The following ZNF407 variants were observed in gnomAD, a reference collection of about 807,000 sequenced individuals.
ZNF407 encodes the protein zinc finger protein 407.
Under a neutral mutation model 131.2 loss-of-function variants are expected in ZNF407, and 17 were observed. That is an observed-to-expected ratio of 0.13 (90% CI 0.09 to 0.19). The LOEUF is 0.19. ZNF407 is among the 10% of genes least tolerant of loss of function. ZNF407 has a pLI of 1.00. For synonymous variants in ZNF407, 1,156 were observed against 1,062.0 expected (o/e 1.09, Z -1.72); for missense variants, 2,681 against 2,830.6 (o/e 0.95, Z 1.20).
chr18:74,849,338 A>G (rs945460812), intron 4 of ZNF407, among the ~76,000 whole-genome samples: 3 of 152,130 alleles, frequency 2.0e-5, no homozygotes, highest in Non-Finnish European at 2.9e-5. Flanking sequence ...TGTGCCTCCC[A>G]GAGTGCTGGG....
chr18:74,815,542 A>G (rs923861955), intron 4 of ZNF407, among the ~76,000 whole-genome samples: 2 of 152,212 alleles, frequency 1.3e-5, no homozygotes, highest in Admixed American at 6.5e-5. Flanking sequence ...GTCATACACT[A>G]GCAATATGGG....
chr18:74,927,449 A>G (rs1428983756), intron 8 of ZNF407, among the ~76,000 whole-genome samples: 2 of 152,188 alleles, frequency 1.3e-5, no homozygotes, highest in Admixed American at 6.5e-5. Context: ...ACCATGGTAA[A>G]TGTTTTCACA....
intron 2 of ZNF407, 67 bp from the exon 3 acceptor site, chr18:74,640,941 C>T (rs1038468056): frequency 8.3e-6 from 10 of 1,200,226 alleles, no homozygotes; most frequent in Non-Finnish European, 9.9e-6. Flanking sequence ...AGATTTAGTC[C>T]TCTTTTCTAA....
intron 4 of ZNF407, among the ~76,000 whole-genome samples, chr18:74,873,381 T>C (rs1971113877): frequency 6.6e-6 from 1 of 152,210 alleles, no homozygotes; most frequent in South Asian, 2.1e-4. Flanking sequence ...TGGCATGTGC[T>C]GAACACCCTG....
chr18:74,974,002 TTAACACA>T (rs1972500675), intron 8 of ZNF407, among the ~76,000 whole-genome samples: 1 of 152,170 alleles, frequency 6.6e-6, no homozygotes, highest in South Asian at 2.1e-4. Context: ...GATTAGAACT[TTAACACA>T]TGAATTTTTG....
chr18:74,832,542 A>G (rs1022625427), intron 4 of ZNF407, among the ~76,000 whole-genome samples: 1 of 151,642 alleles, frequency 6.6e-6, no homozygotes, highest in African/African-American at 2.4e-5. Flanking sequence ...ATAGCCTTAA[A>G]CTCTTGAGCT....
At chr18:74,859,403 G>A (rs1416226095) in intron 4 of ZNF407, among the ~76,000 whole-genome samples, 1 of 152,126 alleles carries the variant, frequency 6.6e-6, no homozygotes, top group Non-Finnish European at 1.5e-5. Context: ...TGTAACACTG[G>A]AAAGATCAAA....
In ZNF407 at chr18:74,682,405, C is replaced by T. The variant is rs567764904; in HGVS notation, c.4802+41283C>T. 8.5e-5 allele frequency among the ~76,000 whole-genome samples: 13 copies of T among 152,204 alleles called. No homozygotes were observed. In the South Asian group the frequency reaches 1.2e-3, roughly 15 times the overall value. ...CCTTTTTTCTACGGCATTCTTGTGG[C>T]GTGGGTGGTACTTCAGCTTCGTAGT... On this transcript the variant is annotated intron_variant, in intron 3 of 8. Transcript: ENST00000299687.
intron 1 of ZNF407, among the ~76,000 whole-genome samples, chr18:74,609,861 A>C (rs1462979844): frequency 6.6e-6 from 1 of 152,220 alleles, no homozygotes; most frequent in East Asian, 1.9e-4. Flanking sequence ...GAGGGTAGTC[A>C]CCCTAAGTAT....
intron 8 of ZNF407, among the ~76,000 whole-genome samples, chr18:74,988,026 A>G (rs1972673322): frequency 6.6e-6 from 1 of 152,362 alleles, no homozygotes; most frequent in South Asian, 2.1e-4. Flanking sequence ...CTTGGAAGAC[A>G]TGCATACTGG....
At chr18:74,675,465 T>C (rs1199613903) in intron 3 of ZNF407, among the ~76,000 whole-genome samples, 1 of 152,244 alleles carries the variant, frequency 6.6e-6, no homozygotes, top group Non-Finnish European at 1.5e-5. Context: ...AATGAATGTA[T>C]TTTTTATGTG....
At chr18:74,784,031 C>T (rs1004914827) in intron 4 of ZNF407, among the ~76,000 whole-genome samples, 9 of 152,176 alleles carry the variant, frequency 5.9e-5, no homozygotes, top group African/African-American at 1.9e-4. Context: ...ATGCCAGTCT[C>T]CTTGTTTCCA....
At chr18:74,900,705 A>G (rs546367263) in intron 7 of ZNF407, among the ~76,000 whole-genome samples, 2 of 152,192 alleles carry the variant, frequency 1.3e-5, no homozygotes, top group Non-Finnish European at 2.9e-5. Flanking sequence ...CCAGTTGAAG[A>G]GCACCCAGTC....
intron 8 of ZNF407, among the ~76,000 whole-genome samples, chr18:74,989,165 GC>G (rs1180684514): frequency 1.3e-5 from 2 of 152,228 alleles, no homozygotes; most frequent in African/African-American, 4.8e-5. Flanking sequence ...ACATGGATGC[GC>G]CTCAGCAATG....
At chr18:74,745,825 C>G (rs930060001) in intron 3 of ZNF407, among the ~76,000 whole-genome samples, 1 of 152,168 alleles carries the variant, frequency 6.6e-6, no homozygotes, top group Non-Finnish European at 1.5e-5. Context: ...CTAACTCCAG[C>G]TCTGCCAAGG....
At chr18:74,911,178 A>T (rs1470308831) in intron 7 of ZNF407, among the ~76,000 whole-genome samples, 1 of 147,670 alleles carries the variant, frequency 6.8e-6, no homozygotes. Context: ...CCAATATGTC[A>T]TATGTATGTT....
At chr18:75,025,637 G>T (rs1471802425) in intron 8 of ZNF407, among the ~76,000 whole-genome samples, 1 of 152,108 alleles carries the variant, frequency 6.6e-6, no homozygotes, top group Non-Finnish European at 1.5e-5. Context: ...CATTTTGTTT[G>T]TGTGTTATAA....
intron 7 of ZNF407, among the ~76,000 whole-genome samples, chr18:74,916,654 A>G (rs1182592313): frequency 3.2e-4 from 30 of 94,354 alleles, no homozygotes; most frequent in Admixed American, 3.5e-4. Flanking sequence ...GTGTGTGTGC[A>G]TGTGTGTGCT....
intron 4 of ZNF407, among the ~76,000 whole-genome samples, chr18:74,783,092 T>C (rs1969638651): frequency 6.6e-6 from 1 of 152,240 alleles, no homozygotes; most frequent in African/African-American, 2.4e-5. Context: ...ACAGAACATA[T>C]TTGTAATTGC....
Sources: gnomAD v4.1 joint callset for allele counts (sites outside exome capture counted in the v4.1 genomes callset) on GRCh38, gnomAD v4.1.1 for gene constraint, MANE v1.5 for transcripts, NCBI Gene and HGNC (gene_info 2026-07-23, HGNC 2026-07-21) for gene names.